The following POLDIP3 variants were observed in gnomAD, a reference collection of about 807,000 sequenced individuals.
POLDIP3 encodes the protein polymerase delta-interacting protein 3.
A neutral mutation model predicts 45.1 loss-of-function variants in POLDIP3; 14 were observed. The ratio of observed to expected loss-of-function variants is 0.31; its 90% CI spans 0.20 to 0.49. POLDIP3 has a LOEUF of 0.49. POLDIP3 is among the 20% of genes least tolerant of loss of function. The pLI, the probability that POLDIP3 is intolerant of heterozygous loss-of-function variation, is 0.99. For missense variants in POLDIP3, 511 were observed against 538.8 expected (o/e 0.95, Z 0.51); for synonymous variants, 223 against 205.2 (o/e 1.09, Z -0.74).
rs1426887129 is a variant in POLDIP3 at position 42,596,194 on chromosome 22, C to A, written c.805G>T (p.Ala269Ser). ...NKEEPPKELP[A>S]AEPVLSPLEG... Reference sequence around the variant, plus strand: ...CACCACCATCACCTCACCTCAGCAGCTGGCAGCTCTTTGGGGGGTTCTTCC... The same window carrying A: ...CACCACCATCACCTCACCTCAGCAGATGGCAGCTCTTTGGGGGGTTCTTCC... The change falls in exon 5 of 9, where the codon GCT (alanine) becomes TCT (serine). Residue 269 changes from alanine (A) to serine (S), a missense_variant. This residue lies in a region of POLDIP3 where 378 missense variants were observed against 352.3 expected (regional missense o/e 1.07). Coordinates refer to ENST00000252115, the MANE Select transcript of POLDIP3 (RefSeq NM_032311.5). The A allele has an allele frequency of 6.2e-7, 1 of 1,613,960 alleles. No individual in the cohort carries two copies. The highest frequency in any genetic ancestry group is 1.7e-5 in the Admixed American group (1 of 59,996).
intron 6 of POLDIP3, among the ~76,000 whole-genome samples, chr22:42,593,660 A>C (rs1189765757): frequency 6.6e-6 from 1 of 152,194 alleles, no homozygotes; most frequent in Non-Finnish European, 1.5e-5. Flanking sequence ...CTGGGACTAC[A>C]GGCACGTGCC....
intron 1 of POLDIP3, among the ~76,000 whole-genome samples, chr22:42,611,188 G>C (rs1927096306): frequency 6.6e-6 from 1 of 152,148 alleles, no homozygotes; most frequent in African/African-American, 2.4e-5. Flanking sequence ...AAAGAGATGA[G>C]GTCTTGCTCC....
Position 42,596,312 on chromosome 22 carries a change from T to C in POLDIP3, c.687A>G (p.Lys229=). 6.2e-7 allele frequency: 1 copy of C among 1,614,074 alleles called. No homozygotes were observed. The highest frequency in any genetic ancestry group is 1.1e-5 in the South Asian group (1 of 91,078). Residue 229 remains lysine (K), a synonymous_variant, in exon 5 of 9, where the codon AAA becomes AAG. Transcript: ENST00000252115. ...LSMSKALPLT[K]VVQNDAYTAP... ...CTGTGTATGCATCATTCTGAACCAC[T>C]TTGGTGAGAGGGAGGGCCTTGGACA...
intron 1 of POLDIP3, 147 bp downstream of exon 1, chr22:42,614,652 C>G: frequency 1.2e-6 from 1 of 845,874 alleles, no homozygotes; most frequent in South Asian, 1.7e-5. Context: ...ACGGCGGGGA[C>G]GGCGGCAGCC....
At chr22:42,590,498 T>G (rs1405688734) in intron 7 of POLDIP3, among the ~76,000 whole-genome samples, 1 of 152,018 alleles carries the variant, frequency 6.6e-6, no homozygotes, top group Non-Finnish European at 1.5e-5. Context: ...AGCATGTTAC[T>G]CTACTGAGTA....
intron 1 of POLDIP3, among the ~76,000 whole-genome samples, chr22:42,608,641 A>C (rs1926927667): frequency 6.6e-6 from 1 of 152,092 alleles, no homozygotes; most frequent in Admixed American, 6.5e-5. Flanking sequence ...TAGCGACCAA[A>C]GGGTGAGCAC....
At position 42,592,374 on chromosome 22, in the gene POLDIP3, A is replaced by C. The variant is rs17003173; in HGVS notation, c.892-290T>G. On this transcript the variant is annotated intron_variant, in intron 6 of 8. Coordinates refer to ENST00000252115, the MANE Select transcript of POLDIP3 (RefSeq NM_032311.5). ...TTCAGTGCCCACCTCAACAGGGATA[A>C]AACAGTTATGAAAATTTTCGCAAAG... 7.5e-3 allele frequency among the ~76,000 whole-genome samples: 1,147 copies of C among 152,364 alleles called. 15 individuals carry two copies. Among genetic ancestry groups the C allele is most frequent in the African/African-American group, 0.026 (1,075 of 41,594 alleles).
At chr22:42,587,944 C>G (rs17003171) in intron 7 of POLDIP3, among the ~76,000 whole-genome samples, 2,787 of 152,306 alleles carry the variant, frequency 0.018, 80 homozygotes, top group African/African-American at 0.063. Flanking sequence ...GGCTTCTACT[C>G]TGTCTACAAA....
At chr22:42,586,383 G>GCAGTGC (rs1925314642) in intron 8 of POLDIP3, among the ~76,000 whole-genome samples, 1 of 152,028 alleles carries the variant, frequency 6.6e-6, no homozygotes, top group Non-Finnish European at 1.5e-5. Context: ...AGGCTGAAGT[G>GCAGTGC]CAGTGGCATG....
chr22:42,597,555 C>T (rs546704584), intron 4 of POLDIP3: 2 of 366,878 alleles, frequency 5.5e-6, no homozygotes, highest in Non-Finnish European at 1.1e-5. Context: ...CCTCTCCATG[C>T]CTGTCCCTCA....
intron 6 of POLDIP3, among the ~76,000 whole-genome samples, chr22:42,593,847 A>G (rs1261724617): frequency 1.3e-5 from 2 of 152,232 alleles, no homozygotes; most frequent in Non-Finnish European, 2.9e-5. Context: ...TGACTTGTCA[A>G]GTATTACACA....
rs866386655 is a variant in POLDIP3 at position 42,595,553 on chromosome 22, G to C, written c.875C>G (p.Thr292Ser). ...MTVNNLHPRVTEEDIVELFCV... is the reference protein window; with the variant it reads ...MTVNNLHPRVSEEDIVELFCV... ...AGTACTTACAACAATGTCCTCCTCA[G>C]TGACTCGAGGGTGCAGATTATTCAC... The change falls in exon 6 of 9, where the codon ACT (threonine) becomes AGT (serine). Residue 292 changes from threonine to serine, a missense_variant. Thr to Ser is a moderately conservative substitution (Grantham distance 58). This residue lies in a region of POLDIP3 where 66 missense variants were observed against 118.1 expected (regional missense o/e 0.56). Coordinates refer to ENST00000252115, the MANE Select transcript of POLDIP3 (RefSeq NM_032311.5). 3.7e-6 allele frequency: 6 copies of C among 1,613,842 alleles called. No homozygotes were observed. Among genetic ancestry groups the C allele is most frequent in the Non-Finnish European group, 5.1e-6 (6 of 1,179,830 alleles).
Position 42,603,149 on chromosome 22 carries a change from C to G in POLDIP3, c.71G>C (p.Arg24Thr). 1 of 1,613,952 alleles carries G rather than the reference C, an allele frequency of 6.2e-7. No individual in the cohort carries two copies. Among genetic ancestry groups the G allele is most frequent in the Non-Finnish European group, 8.5e-7 (1 of 1,179,906 alleles). ...AGATCGGACACCTCCAACTCCCGGTCTGGCATTAAGCCTGTAAATATAAAT... is the reference window on the plus strand; with the variant it reads ...AGATCGGACACCTCCAACTCCCGGTGTGGCATTAAGCCTGTAAATATAAAT... Reference protein sequence around the residue: ...GAAAKGRLNARPGVGGVRSRV... With the variant: ...GAAAKGRLNATPGVGGVRSRV... Residue 24 changes from arginine to threonine, a missense_variant, in exon 2 of 9, where the codon AGA (arginine) becomes ACA (threonine). Physicochemically the swap from Arg to Thr is moderately conservative, Grantham distance 71 (BLOSUM62 -1). Transcript: ENST00000252115.
In POLDIP3 at chr22:42,614,817, C is replaced by A. The variant is rs757458876; in HGVS notation, c.41G>T (p.Gly14Val). ...ISLDELIRKR[G>V]AAAKGRLNAR... is the part of the protein sequence containing the mutation. Reference sequence around the variant, plus strand: ...CTCTCACCGTCCTTTCGCCGCCGCCCCGCGCTTCCTGATGAGTTCGTCCAG... The same window carrying A: ...CTCTCACCGTCCTTTCGCCGCCGCCACGCGCTTCCTGATGAGTTCGTCCAG... The change falls in exon 1 of 9, where the codon GGG becomes GTG. Residue 14 changes from glycine to valine, a missense_variant. Around this residue, in one of 4 missense-constraint regions of POLDIP3, gnomAD observed 378 missense variants for 352.3 expected, o/e 1.07. Transcript: ENST00000252115. 1.9e-6 allele frequency: 3 copies of A among 1,614,096 alleles called. No individual in the cohort carries two copies. The highest frequency in any genetic ancestry group is 2.5e-6 in the Non-Finnish European group (3 of 1,179,964).
chr22:42,599,906 G>A, intron 3 of POLDIP3, 113 bp from the exon 4 acceptor site: 2 of 749,628 alleles, frequency 2.7e-6, no homozygotes, highest in Non-Finnish European at 4.4e-6. Context: ...GGACCAAGGA[G>A]AAGTGGGCAC....
At chr22:42,602,269 T>C (rs1926440265) in intron 2 of POLDIP3, among the ~76,000 whole-genome samples, 1 of 152,236 alleles carries the variant, frequency 6.6e-6, no homozygotes, top group Non-Finnish European at 1.5e-5. Context: ...TTAATGGACT[T>C]GGCTCAGTAA....
Position 42,594,643 on chromosome 22 carries a change from G to A in POLDIP3, c.891+894C>T, listed in dbSNP as rs548708620. Among the ~76,000 whole-genome samples, 660 of 152,346 alleles carry A rather than the reference G, an allele frequency of 4.3e-3. 5 individuals carry two copies. Among genetic ancestry groups the A allele is most frequent in the African/African-American group, 0.015 (633 of 41,574 alleles). On this transcript the variant is annotated intron_variant, in intron 6 of 8. Transcript: ENST00000252115. ...CATTTTGTGATCTGACAGTTCAAAG[G>A]ATGCCTGGATTTCTAAACTAATGGC... is the stretch of plus-strand genomic sequence containing the variant.
At chr22:42,594,416 C>T (rs1171177245) in intron 6 of POLDIP3, among the ~76,000 whole-genome samples, 1 of 152,158 alleles carries the variant, frequency 6.6e-6, no homozygotes, top group African/African-American at 2.4e-5. Flanking sequence ...GAGGCTGAGG[C>T]AGGAGAATTG....
chr22:42,597,825 G>A (rs1162835186), intron 4 of POLDIP3: 1 of 445,874 alleles, frequency 2.2e-6, no homozygotes, highest in Non-Finnish European at 4.5e-6. Context: ...CTGTCACCCA[G>A]GCTGGAGTGC....
Sources: gnomAD v4.1 joint callset for allele counts (sites outside exome capture counted in the v4.1 genomes callset) on GRCh38, gnomAD v4.1.1 for gene constraint, gnomAD v4.1.1 regional missense constraint, MANE v1.5 for transcripts, NCBI Gene and HGNC (gene_info 2026-07-23, HGNC 2026-07-21) for gene names.